LRRC37A2: variants seen among roughly 807,000 people sequenced by gnomAD.
LRRC37A2 encodes leucine-rich repeat-containing protein 37A2.
Under a neutral mutation model 68.8 loss-of-function variants are expected in LRRC37A2, and 9 were observed. The observed-to-expected ratio is 0.13, with a 90% CI of 0.08 to 0.23. LRRC37A2 has a LOEUF of 0.23. Among genes scored for constraint, LRRC37A2 ranks in the 10% least tolerant of loss-of-function variants. The pLI is 1.00. For synonymous variants in LRRC37A2, 63 were observed against 367.6 expected (o/e 0.17, Z 9.48); for missense variants, 168 against 950.4 (o/e 0.18, Z 10.82).
the LRRC37A2 span, among the ~76,000 whole-genome samples, chr17:46,869,194 T>C: frequency 6.6e-6 from 1 of 152,200 alleles, no homozygotes; most frequent in Non-Finnish European, 1.5e-5. Context: ...TAATCGCTAC[T>C]AAGTGTCATT....
At chr17:46,746,210 A>G in the LRRC37A2 span, among the ~76,000 whole-genome samples, 1 of 152,152 alleles carries the variant, frequency 6.6e-6, no homozygotes, top group Non-Finnish European at 1.5e-5. Flanking sequence ...TGATTCCTCA[A>G]ATAATAATAA....
the LRRC37A2 span, among the ~76,000 whole-genome samples, chr17:46,754,775 C>T: frequency 1.3e-5 from 2 of 152,176 alleles, no homozygotes; most frequent in African/African-American, 4.8e-5. Context: ...ATCAGCAGTA[C>T]TCTTCATTTT....
the LRRC37A2 span, among the ~76,000 whole-genome samples, chr17:46,862,657 A>C: frequency 6.6e-6 from 1 of 152,086 alleles, no homozygotes; most frequent in Non-Finnish European, 1.5e-5. Context: ...ATCTTAGCTC[A>C]CTACAACCTC....
chr17:46,836,272 G>A, the LRRC37A2 span, among the ~76,000 whole-genome samples: 3 of 152,082 alleles, frequency 2.0e-5, no homozygotes, highest in Admixed American at 6.6e-5. Flanking sequence ...ATTCAACTGG[G>A]GCTCCCAGGG....
At chr17:46,974,833 T>C in the LRRC37A2 span, among the ~76,000 whole-genome samples, 1 of 152,110 alleles carries the variant, frequency 6.6e-6, no homozygotes, top group African/African-American at 2.4e-5. Context: ...GGAGCCTCAG[T>C]TTCCTCATCT....
the LRRC37A2 span, among the ~76,000 whole-genome samples, chr17:46,819,181 G>A: frequency 6.6e-6 from 1 of 152,130 alleles, no homozygotes; most frequent in African/African-American, 2.4e-5. The surrounding 1 kb of genome is among the most constrained non-coding windows in gnomAD (Gnocchi z 5.3). Context: ...TCAGAGGGTG[G>A]GGGAACGCAC....
the LRRC37A2 span, among the ~76,000 whole-genome samples, chr17:46,933,821 G>A: frequency 1.3e-5 from 2 of 151,824 alleles, no homozygotes; most frequent in Admixed American, 6.6e-5. Flanking sequence ...AAAATTAGCC[G>A]GGCGTGGTGG....
chr17:46,909,228 G>A, the LRRC37A2 span, among the ~76,000 whole-genome samples: 2 of 152,070 alleles, frequency 1.3e-5, no homozygotes, highest in African/African-American at 4.8e-5. Context: ...ATGAGGTTTC[G>A]CTATGTTGCC....
At chr17:46,822,227 CG>C in the LRRC37A2 span, among the ~76,000 whole-genome samples, 1 of 152,006 alleles carries the variant, frequency 6.6e-6, no homozygotes, top group Non-Finnish European at 1.5e-5. Context: ...AACCGCAGAG[CG>C]GTTTTAGGCG....
At chr17:47,007,632 C>T in the LRRC37A2 span, among the ~76,000 whole-genome samples, 5 of 152,196 alleles carry the variant, frequency 3.3e-5, no homozygotes, top group African/African-American at 1.2e-4. Context: ...AATAACTGTT[C>T]GAGAATGATG....
chr17:46,836,612 G>A, the LRRC37A2 span, among the ~76,000 whole-genome samples: 2 of 152,208 alleles, frequency 1.3e-5, no homozygotes, highest in African/African-American at 4.8e-5. Context: ...AAATGAATCA[G>A]CACAGTGCCT....
the LRRC37A2 span, among the ~76,000 whole-genome samples, chr17:47,022,163 G>GTTTTTT: frequency 5.2e-5 from 1 of 19,364 alleles, no homozygotes; most frequent in Non-Finnish European, 1.6e-4. Context: ...ATTCCTTTTT[G>GTTTTTT]TTCTCTTTTT....
At chr17:46,458,525 CTTCTTCTTT>C in the LRRC37A2 span, among the ~76,000 whole-genome samples, 2 of 57,394 alleles carry the variant, frequency 3.5e-5, 1 homozygote, top group African/African-American at 1.2e-4. Context: ...GGGAATTCTT[CTTCTTCTTT>C]TTTTTTTTTT....
the LRRC37A2 span, among the ~76,000 whole-genome samples, chr17:46,779,103 A>ACACACACC: frequency 6.6e-4 from 88 of 133,636 alleles, 2 homozygotes; most frequent in East Asian, 9.2e-3. Flanking sequence ...ACACACACAC[A>ACACACACC]CCCCAGCCCA....
At chr17:46,945,104 C>T in the LRRC37A2 span, among the ~76,000 whole-genome samples, 4 of 151,990 alleles carry the variant, frequency 2.6e-5, no homozygotes, top group Admixed American at 6.6e-5. Context: ...TGTGAGAGGG[C>T]GAGGTGATGG....
chr17:46,907,744 C>T, the LRRC37A2 span, among the ~76,000 whole-genome samples: 3 of 148,636 alleles, frequency 2.0e-5, no homozygotes, highest in East Asian at 4.0e-4. Flanking sequence ...CCCAGCTACT[C>T]AGCGGGGGGG....
the LRRC37A2 span, among the ~76,000 whole-genome samples, chr17:46,990,740 G>A: frequency 2.0e-5 from 3 of 151,540 alleles, no homozygotes; most frequent in Non-Finnish European, 4.4e-5. Flanking sequence ...GCACGATCTC[G>A]GCTCACTGCA....
chr17:46,801,936 A>G, the LRRC37A2 span, among the ~76,000 whole-genome samples: 1 of 152,194 alleles, frequency 6.6e-6, no homozygotes, highest in Non-Finnish European at 1.5e-5. Context: ...AGACCACTCA[A>G]CGAAGCCTCA....
At chr17:46,820,066 G>T in the LRRC37A2 span, among the ~76,000 whole-genome samples, 1 of 152,254 alleles carries the variant, frequency 6.6e-6, no homozygotes, top group Non-Finnish European at 1.5e-5. Context: ...AACGGCGGGC[G>T]TTCCACGAGG....
Sources: allele counts gnomAD v4.1 joint callset (sites outside exome capture counted in the v4.1 genomes callset), GRCh38; gene constraint gnomAD v4.1.1; non-coding constraint Gnocchi (gnomAD v3.1); transcripts MANE v1.5; gene names NCBI Gene and HGNC (gene_info 2026-07-23, HGNC 2026-07-21).